Variants in FOXP1 observed in about 807,000 individuals in gnomAD.
FOXP1 encodes forkhead box P1.
A neutral mutation model predicts 98.2 loss-of-function variants in FOXP1; 15 were observed. The ratio of observed to expected loss-of-function variants is 0.15; its 90% CI spans 0.10 to 0.24. FOXP1 has a LOEUF of 0.24. FOXP1 is among the 10% of genes least tolerant of loss of function. FOXP1 has a pLI of 1.00. For synonymous variants in FOXP1, 371 were observed against 314.5 expected, an observed-to-expected ratio of 1.18 and a Z score of -1.90; for missense variants, 633 against 848.5, an observed-to-expected ratio of 0.75 and a Z score of 3.15.
intron 7 of FOXP1, among the ~76,000 whole-genome samples, chr3:71,092,721 G>A (rs1473661360): frequency 6.6e-6 from 1 of 152,048 alleles, no homozygotes; most frequent in African/African-American, 2.4e-5. Context: ...CAAACTTCCA[G>A]GTCTTGGGAG....
chr3:71,526,560 G>A (rs1408080139), intron 2 of FOXP1, among the ~76,000 whole-genome samples: 1 of 152,136 alleles, frequency 6.6e-6, no homozygotes, highest in Non-Finnish European at 1.5e-5. Context: ...TCATTTTAGG[G>A]TCTTACATTT....
intron 6 of FOXP1, among the ~76,000 whole-genome samples, chr3:71,133,744 G>A (rs1217073473): frequency 1.3e-5 from 2 of 151,824 alleles, no homozygotes; most frequent in Non-Finnish European, 2.9e-5. Flanking sequence ...TAAATACCAA[G>A]GTTATTTGCT....
At chr3:71,343,820 C>G (rs928848375) in intron 4 of FOXP1, among the ~76,000 whole-genome samples, 13 of 152,180 alleles carry the variant, frequency 8.5e-5, no homozygotes, top group African/African-American at 3.1e-4. Flanking sequence ...TTGAGCCCAT[C>G]ACGCCTGGCG....
At chr3:71,325,074 A>C (rs1397532741) in intron 4 of FOXP1, among the ~76,000 whole-genome samples, 1 of 129,364 alleles carries the variant, frequency 7.7e-6, no homozygotes. Flanking sequence ...TTTTTTTGAG[A>C]TGTTGTCTTG....
chr3:71,026,296 G>A (rs1471818778), intron 11 of FOXP1, among the ~76,000 whole-genome samples: 1 of 152,048 alleles, frequency 6.6e-6, no homozygotes, highest in Non-Finnish European at 1.5e-5. Flanking sequence ...AGCAGACAGG[G>A]CAAACCTCAC....
At chr3:71,252,540 C>T (rs1343388154) in intron 5 of FOXP1, among the ~76,000 whole-genome samples, 2 of 144,402 alleles carry the variant, frequency 1.4e-5, no homozygotes, top group Non-Finnish European at 3.0e-5. Flanking sequence ...GAAAACAATT[C>T]TTAGTCCTTA....
chr3:71,331,428 C>T (rs2076299898), intron 4 of FOXP1, among the ~76,000 whole-genome samples: 1 of 151,482 alleles, frequency 6.6e-6, no homozygotes, highest in South Asian at 2.1e-4. Flanking sequence ...ACAAGCGCCG[C>T]TCCCTGCTCC....
At chr3:70,985,897 T>C (rs915638768) in intron 14 of FOXP1, among the ~76,000 whole-genome samples, 1 of 152,194 alleles carries the variant, frequency 6.6e-6, no homozygotes, top group Non-Finnish European at 1.5e-5. Flanking sequence ...TGCAGCGATA[T>C]TGGACTTCTT....
chr3:71,525,075 T>C (rs1321425010), intron 2 of FOXP1, among the ~76,000 whole-genome samples: 2 of 152,230 alleles, frequency 1.3e-5, no homozygotes, highest in East Asian at 1.9e-4. Context: ...TAAAAAACTC[T>C]TGGTATATGC....
In FOXP1 at chr3:70,988,058, C is replaced by T. The variant is rs2107494258; in HGVS notation, c.1082G>A (p.Arg361His). The stretch of plus-strand genomic sequence containing the variant: ...CAGGTGGGTCATCATGGCTTGCAGG[C>T]GTTCTTTGTCTTTTGCAAGCTGGCA... ...LELQLAKDKE[R>H]LQAMMTHLHV... Residue 361 changes from arginine (R) to histidine (H), a missense_variant, in exon 14 of 21, where the codon CGC (arginine) becomes CAC (histidine). Arg to His is a conservative substitution (Grantham distance 29). Coordinates refer to ENST00000649528, the MANE Select transcript of FOXP1 (RefSeq NM_001349338.3). 1 of 1,614,046 alleles carries T rather than the reference C, an allele frequency of 6.2e-7. No individual in the cohort carries two copies. The highest frequency in any genetic ancestry group is 8.5e-7 in the Non-Finnish European group (1 of 1,179,956).
intron 5 of FOXP1, among the ~76,000 whole-genome samples, chr3:71,207,670 A>C (rs2064150858): frequency 6.6e-6 from 1 of 152,208 alleles, no homozygotes; most frequent in African/African-American, 2.4e-5. Flanking sequence ...AATTTACAGC[A>C]AATGCTAGGA....
At chr3:71,441,376 C>A (rs986118695) in intron 3 of FOXP1, among the ~76,000 whole-genome samples, 1 of 152,244 alleles carries the variant, frequency 6.6e-6, no homozygotes, top group Non-Finnish European at 1.5e-5. Flanking sequence ...ACAGACCCCA[C>A]AACAAAGAAC....
chr3:71,175,930 G>A (rs73123568), intron 6 of FOXP1, among the ~76,000 whole-genome samples: 19,476 of 152,112 alleles, frequency 0.13, 1,510 homozygotes, highest in East Asian at 0.25. Context: ...TACCACTCAG[G>A]GAGCAAAGGA....
chr3:71,181,540 A>G lies in FOXP1; in HGVS notation c.180+16662T>C, dbSNP rs183355009. 2.8e-4 allele frequency among the ~76,000 whole-genome samples: 42 copies of G among 152,322 alleles called. 1 individual carries two copies. Among genetic ancestry groups the G allele is most frequent in the Admixed American group, 1.8e-3 (28 of 15,304 alleles). On this transcript the variant is annotated intron_variant, in intron 6 of 20. Coordinates refer to ENST00000649528, the MANE Select transcript of FOXP1 (RefSeq NM_001349338.3). ...TGGGTTTTCAACTCTCATCAGTGGCATTCCAAAATGCCTCCAATAAAATAT... is the reference window on the plus strand; with the variant it reads ...TGGGTTTTCAACTCTCATCAGTGGCGTTCCAAAATGCCTCCAATAAAATAT...
chr3:71,135,151 CG>C (rs139105455), intron 6 of FOXP1, among the ~76,000 whole-genome samples: 4,512 of 147,958 alleles, frequency 0.03, 135 homozygotes, highest in African/African-American at 0.076. Context: ...CCCAGCTGCT[CG>C]GGAGGCTAAG....
intron 3 of FOXP1, among the ~76,000 whole-genome samples, chr3:71,459,630 C>T (rs2087829853): frequency 1.3e-5 from 2 of 152,154 alleles, no homozygotes; most frequent in African/African-American, 4.8e-5. Flanking sequence ...TTTTTAAAAT[C>T]CCTTCATCAC....
intron 3 of FOXP1, among the ~76,000 whole-genome samples, chr3:71,491,303 A>T (rs531067092): frequency 1.3e-5 from 2 of 152,192 alleles, no homozygotes; most frequent in Non-Finnish European, 2.9e-5. Flanking sequence ...GGCGTGAGCC[A>T]CCATGCCCAG....
At chr3:71,066,712 T>A (rs1161695126) in intron 7 of FOXP1, among the ~76,000 whole-genome samples, 2 of 152,254 alleles carry the variant, frequency 1.3e-5, no homozygotes, top group Non-Finnish European at 1.5e-5. Context: ...GTTTTAATGT[T>A]TATAAACAAA....
At chr3:70,982,529 A>T (rs963051850) in intron 14 of FOXP1, among the ~76,000 whole-genome samples, 1 of 152,208 alleles carries the variant, frequency 6.6e-6, no homozygotes, top group Admixed American at 6.5e-5. Flanking sequence ...GATTTCAGCA[A>T]AGATAATCTC....
Sources: allele counts gnomAD v4.1 joint callset (sites outside exome capture counted in the v4.1 genomes callset), GRCh38; gene constraint gnomAD v4.1.1; transcripts MANE v1.5; gene names NCBI Gene and HGNC (gene_info 2026-07-23, HGNC 2026-07-21).